Variants in GAB1 observed in about 807,000 individuals in gnomAD.
The protein encoded by GAB1 is GRB2-associated-binding protein 1.
In GAB1, 19 loss-of-function variants were observed where a neutral mutation model predicts 66.5. The ratio of observed to expected loss-of-function variants is 0.29; its 90% CI spans 0.20 to 0.42. The LOEUF (loss-of-function observed/expected upper bound fraction) is 0.42. Ranked by LOEUF, GAB1 falls within the 10% of genes least tolerant of loss-of-function variation. The pLI, the probability that GAB1 is intolerant of heterozygous loss-of-function variation, is 1.00. For missense variants in GAB1, 732 were observed against 858.5 expected (o/e 0.85, Z 1.84); for synonymous variants, 294 against 301.4 (o/e 0.98, Z 0.25).
At chr4:143,413,202 A>G (rs1420153574) in intron 1 of GAB1, among the ~76,000 whole-genome samples, 2 of 151,818 alleles carry the variant, frequency 1.3e-5, no homozygotes, top group African/African-American at 4.9e-5. Context: ...ATCATATTTT[A>G]TATTCTTTTG....
At chr4:143,453,165 A>G (rs1462937392) in intron 6 of GAB1, among the ~76,000 whole-genome samples, 1 of 152,178 alleles carries the variant, frequency 6.6e-6, no homozygotes, top group East Asian at 1.9e-4. Flanking sequence ...CCAGCTAACA[A>G]AATGCCTAAG....
At chr4:143,468,397 T>A (rs1735910981) in intron 9 of GAB1, among the ~76,000 whole-genome samples, 3 of 151,234 alleles carry the variant, frequency 2.0e-5, no homozygotes, top group Admixed American at 2.0e-4. Flanking sequence ...GTATTTTTAG[T>A]AGAGATGGGA....
At chr4:143,341,925 C>G (rs1243150727) in intron 1 of GAB1, among the ~76,000 whole-genome samples, 4 of 152,172 alleles carry the variant, frequency 2.6e-5, no homozygotes, top group Non-Finnish European at 5.9e-5. Context: ...TTGACAATTA[C>G]CACTAGCAAT....
At chr4:143,403,204 G>T (rs1731864042) in intron 1 of GAB1, among the ~76,000 whole-genome samples, 1 of 152,048 alleles carries the variant, frequency 6.6e-6, no homozygotes. Flanking sequence ...CTCAAGATGA[G>T]TTGGGTCCTG....
At chr4:143,367,373 G>T (rs968162121) in intron 1 of GAB1, among the ~76,000 whole-genome samples, 2 of 152,214 alleles carry the variant, frequency 1.3e-5, no homozygotes, top group Non-Finnish European at 2.9e-5. Context: ...AAGGAAATTC[G>T]ATATTTATTT....
chr4:143,410,736 G>C lies in GAB1; in HGVS notation c.73-4741G>C, dbSNP rs527623121. ...GCTTGCCTGACCAATTCTTGAATGG[G>C]CTGGGCAGATCGCAGTTATATCACT... On this transcript the variant is annotated intron_variant, in intron 1 of 9. Transcript: ENST00000262994. 2.7e-3 allele frequency among the ~76,000 whole-genome samples: 413 copies of C among 152,300 alleles called. 1 individual carries two copies. The highest frequency in any genetic ancestry group is 9.3e-3 in the African/African-American group (385 of 41,568).
chr4:143,398,049 G>A (rs1482417085), intron 1 of GAB1, among the ~76,000 whole-genome samples: 2 of 152,170 alleles, frequency 1.3e-5, no homozygotes, highest in Non-Finnish European at 2.9e-5. Flanking sequence ...CAAGTCCTGG[G>A]TTCCTATATC....
rs528206890 is a variant in GAB1 at position 143,367,165 on chromosome 4, GTTA to G, written c.72+29911_72+29913del. Among the ~76,000 whole-genome samples the G allele has an allele frequency of 9.2e-5, 14 of 152,262 alleles. No individual in the cohort carries two copies. The South Asian group carries it at 2.9e-3, about 32-fold the overall frequency. On this transcript the variant is annotated intron_variant, in intron 1 of 9. Transcript: ENST00000262994. ...GGCTGGAATGTAGGGTAAATTGGTA[GTTA>G]TTATTTCTAATTGGGAAGCTACAAA...
At chr4:143,419,816 T>A (rs1732918876) in intron 2 of GAB1, among the ~76,000 whole-genome samples, 1 of 152,178 alleles carries the variant, frequency 6.6e-6, no homozygotes. Context: ...AAGTATTTGT[T>A]GAGTTTCTTG....
At chr4:143,459,153 A>T (rs558695200) in intron 6 of GAB1, among the ~76,000 whole-genome samples, 1 of 152,234 alleles carries the variant, frequency 6.6e-6, no homozygotes, top group Non-Finnish European at 1.5e-5. Context: ...ATAGAGGTTT[A>T]GGCTTTGAGG....
intron 1 of GAB1, among the ~76,000 whole-genome samples, chr4:143,339,254 C>T (rs1728752621): frequency 6.6e-6 from 1 of 152,198 alleles, no homozygotes; most frequent in South Asian, 2.1e-4. Context: ...TTCAGGCTCA[C>T]ACCTGTAATC....
intron 1 of GAB1, among the ~76,000 whole-genome samples, chr4:143,360,532 C>T (rs1729621409): frequency 6.6e-6 from 1 of 152,006 alleles, no homozygotes; most frequent in African/African-American, 2.4e-5. Flanking sequence ...CCTACTTGGA[C>T]ACTACAAAAA....
At chr4:143,414,168 G>A (rs1310406033) in intron 1 of GAB1, among the ~76,000 whole-genome samples, 1 of 152,018 alleles carries the variant, frequency 6.6e-6, no homozygotes, top group Non-Finnish European at 1.5e-5. Context: ...GTTGAATCTG[G>A]AGCAGAGAAT....
chr4:143,400,990 T>G (rs752985316), intron 1 of GAB1, among the ~76,000 whole-genome samples: 3 of 151,972 alleles, frequency 2.0e-5, no homozygotes, highest in African/African-American at 7.2e-5. Context: ...AAAAAGTCAT[T>G]GCTTTGCCTC....
At chr4:143,401,990 A>G (rs1393326847) in intron 1 of GAB1, among the ~76,000 whole-genome samples, 1 of 152,160 alleles carries the variant, frequency 6.6e-6, no homozygotes, top group African/African-American at 2.4e-5. Context: ...ACTCCACCAC[A>G]GTACTTTAAG....
intron 1 of GAB1, among the ~76,000 whole-genome samples, chr4:143,372,800 G>A (rs1021779211): frequency 6.6e-6 from 1 of 152,154 alleles, no homozygotes; most frequent in Non-Finnish European, 1.5e-5. Context: ...TATTTGCATG[G>A]AGTGTTCCCT....
At chr4:143,468,948 ATGTGTTT>A in intron 9 of GAB1, 76 bp from the exon 10 acceptor site, 1 of 1,368,980 alleles carries the variant, frequency 7.3e-7, no homozygotes, top group Non-Finnish European at 1.0e-6. Flanking sequence ...TTCACAGTGG[ATGTGTTT>A]TGTGTTTTAA....
chr4:143,436,436 T>G (rs2149751844), intron 3 of GAB1, among the ~76,000 whole-genome samples: 1 of 152,312 alleles, frequency 6.6e-6, no homozygotes, highest in South Asian at 2.1e-4. Flanking sequence ...ACAACTGTGT[T>G]TTGAAAATAT....
intron 6 of GAB1, among the ~76,000 whole-genome samples, chr4:143,447,674 A>C (rs1734639301): frequency 1.3e-5 from 2 of 152,172 alleles, no homozygotes; most frequent in Non-Finnish European, 2.9e-5. Context: ...TTATCAGCTT[A>C]AGGAGATTTT....
Sources: gnomAD v4.1 joint callset for allele counts (sites outside exome capture counted in the v4.1 genomes callset) on GRCh38, gnomAD v4.1.1 for gene constraint, MANE v1.5 for transcripts, NCBI Gene and HGNC (gene_info 2026-07-23, HGNC 2026-07-21) for gene names.